Variants in ASCC3 observed in about 807,000 individuals in gnomAD.
ASCC3 encodes the protein activating signal cointegrator 1 complex subunit 3.
ASCC3 carries 158 observed loss-of-function variants against 256.3 expected under a neutral mutation model. That is an observed-to-expected ratio of 0.62 (90% CI 0.54 to 0.70). The LOEUF (loss-of-function observed/expected upper bound fraction) is 0.70. ASCC3 is among the 30% of genes least tolerant of loss of function. ASCC3 has a pLI of 0.00. For synonymous variants in ASCC3, 948 were observed against 883.4 expected (o/e 1.07, Z -1.30); for missense variants, 2,259 against 2,626.0 (o/e 0.86, Z 3.05).
chr6:100,701,090 G>T (rs566603161), intron 13 of ASCC3, among the ~76,000 whole-genome samples: 2 of 152,270 alleles, frequency 1.3e-5, no homozygotes, highest in South Asian at 4.1e-4. Flanking sequence ...TTCATGGGAG[G>T]AACCCGGTTG....
At chr6:100,821,405 A>G (rs1771034925) in intron 4 of ASCC3, among the ~76,000 whole-genome samples, 1 of 125,262 alleles carries the variant, frequency 8.0e-6, no homozygotes, top group Admixed American at 8.5e-5. Context: ...CCAATCAAAA[A>G]CATGTGCACA....
chr6:100,722,499 A>G (rs956376513), intron 11 of ASCC3, among the ~76,000 whole-genome samples: 8 of 151,746 alleles, frequency 5.3e-5, no homozygotes, highest in African/African-American at 1.9e-4. Flanking sequence ...CTTGTTGCAT[A>G]TCTTTTCATG....
Position 100,867,892 on chromosome 6 carries a change from C to A in ASCC3, c.90+16G>T. On this transcript the variant is annotated intron_variant, in intron 2 of 41. Coordinates refer to ENST00000369162, the MANE Select transcript of ASCC3 (RefSeq NM_006828.4). ...TTTATAATAATGTTCAACATTTCTA[C>A]CTTTAACAAATCTACCTTTAAGTCA... 1 of 1,578,906 alleles carries A rather than the reference C, an allele frequency of 6.3e-7. No homozygotes were observed. The highest frequency in any genetic ancestry group is 8.7e-7 in the Non-Finnish European group (1 of 1,148,556).
At chr6:100,620,326 C>T (rs1283512080) in intron 30 of ASCC3, among the ~76,000 whole-genome samples, 2 of 152,130 alleles carry the variant, frequency 1.3e-5, no homozygotes, top group East Asian at 3.9e-4. Context: ...ATAAGGATTC[C>T]TAATGACAAT....
At position 100,516,248 on chromosome 6, in the gene ASCC3, A is replaced by G. The variant is rs1213221226; in HGVS notation, c.6007T>C (p.Cys2003Arg). 5 of 1,613,754 alleles carry G rather than the reference A, an allele frequency of 3.1e-6. No homozygotes were observed. Among genetic ancestry groups the G allele is most frequent in the Non-Finnish European group, 3.4e-6 (4 of 1,179,756 alleles). ...IESLPELIHA[C>R]GGKDHVFSSM... ...CTAAATACATGGTCTTTCCCTCCACAGGCATGGATCAGTTCAGGAAGGGAC... is the reference window on the plus strand; with the variant it reads ...CTAAATACATGGTCTTTCCCTCCACGGGCATGGATCAGTTCAGGAAGGGAC... Residue 2003 changes from cysteine (C) to arginine (R), a missense_variant, in exon 39 of 42, where the codon TGT becomes CGT. Physicochemically the swap from Cys to Arg is radical, Grantham distance 180. Around this residue, in one of 2 missense-constraint regions of ASCC3, gnomAD observed 1,839 missense variants for 2,206.7 expected, o/e 0.83. Coordinates refer to ENST00000369162, the MANE Select transcript of ASCC3 (RefSeq NM_006828.4).
At chr6:100,680,771 T>A (rs746809591) in intron 13 of ASCC3, among the ~76,000 whole-genome samples, 2 of 152,002 alleles carry the variant, frequency 1.3e-5, no homozygotes, top group Non-Finnish European at 2.9e-5. Flanking sequence ...GCAACTTGGA[T>A]GTCCTAATCC....
intron 4 of ASCC3, among the ~76,000 whole-genome samples, chr6:100,836,146 AAG>A (rs1771863808): frequency 6.6e-6 from 1 of 152,050 alleles, no homozygotes; most frequent in Admixed American, 6.6e-5. Context: ...ACAGTTTTTT[AAG>A]AGTCTTTAGG....
intron 36 of ASCC3, among the ~76,000 whole-genome samples, chr6:100,588,964 A>C (rs1030527904): frequency 6.6e-6 from 1 of 152,166 alleles, no homozygotes; most frequent in Admixed American, 6.5e-5. Flanking sequence ...TATCCTAACT[A>C]ATGTGTTAAC....
intron 19 of ASCC3, 80 bp from the exon 20 acceptor site, chr6:100,650,794 GT>G (rs1775629797): frequency 2.7e-6 from 3 of 1,121,926 alleles, no homozygotes; most frequent in South Asian, 2.6e-5. Flanking sequence ...TACATTGCAT[GT>G]TTTTAAAGAG....
At chr6:100,659,814 C>T (rs1393084777) in intron 16 of ASCC3, among the ~76,000 whole-genome samples, 3 of 151,418 alleles carry the variant, frequency 2.0e-5, no homozygotes, top group Non-Finnish European at 4.4e-5. Flanking sequence ...TGCATTCATG[C>T]GTTTTAAGAT....
At chr6:100,532,396 ATATATATATATTTTT>A (rs1319765955) in intron 37 of ASCC3, among the ~76,000 whole-genome samples, 23 of 42,752 alleles carry the variant, frequency 5.4e-4, no homozygotes, top group African/African-American at 1.8e-3. Context: ...ATATATATAT[ATATATATATATTTTT>A]TTTTTTTTTT....
At chr6:100,863,986 T>C (rs750923077) in intron 3 of ASCC3, 78 bp downstream of exon 3, 3 of 1,235,534 alleles carry the variant, frequency 2.4e-6, no homozygotes, top group African/African-American at 1.5e-5. Flanking sequence ...CTTTACATAG[T>C]ATGTTGTTTA....
At chr6:100,625,163 A>G (rs778174245) in intron 30 of ASCC3, 29 bp downstream of exon 30, 7 of 1,610,370 alleles carry the variant, frequency 4.3e-6, no homozygotes, top group East Asian at 2.2e-5. Context: ...GAAACGTGTA[A>G]GTAGTAGAAG....
At chr6:100,861,966 A>G (rs1304716156) in intron 3 of ASCC3, among the ~76,000 whole-genome samples, 1 of 152,128 alleles carries the variant, frequency 6.6e-6, no homozygotes, top group Non-Finnish European at 1.5e-5. Context: ...AATAAGCTCA[A>G]TATGTCATTA....
At chr6:100,555,208 T>C (rs1170617266) in intron 36 of ASCC3, among the ~76,000 whole-genome samples, 1 of 152,120 alleles carries the variant, frequency 6.6e-6, no homozygotes, top group Non-Finnish European at 1.5e-5. Context: ...TTTTCTAATA[T>C]GCACATAGTT....
rs771165999 is a variant in ASCC3 at position 100,767,320 on chromosome 6, A to G, written c.1421T>C (p.Met474Thr). The G allele has an allele frequency of 6.3e-7, 1 of 1,599,332 alleles. No individual in the cohort carries two copies. Among genetic ancestry groups the G allele is most frequent in the Non-Finnish European group, 8.5e-7 (1 of 1,176,156 alleles). ...TGACTGGATTCTATTGAGTCTCTTC[A>G]TTCCTTTAAAAGCCAGCTGTCCGAT... ...DEIGQLAFKGMKRLNRIQSIV... is the reference protein window; with the variant it reads ...DEIGQLAFKGTKRLNRIQSIV... The change falls in exon 9 of 42, where the codon ATG (methionine) becomes ACG (threonine). Residue 474 changes from methionine (M) to threonine (T), a missense_variant. Met to Thr is a moderately conservative substitution (Grantham distance 81). Transcript: ENST00000369162.
intron 4 of ASCC3, among the ~76,000 whole-genome samples, chr6:100,828,597 T>C (rs1771449518): frequency 6.6e-6 from 1 of 152,156 alleles, no homozygotes; most frequent in Admixed American, 6.5e-5. Flanking sequence ...GGTGGGTTTG[T>C]GGTCTCACTG....
At chr6:100,558,916 A>G (rs1456930848) in intron 36 of ASCC3, among the ~76,000 whole-genome samples, 1 of 152,074 alleles carries the variant, frequency 6.6e-6, no homozygotes, top group Non-Finnish European at 1.5e-5. Context: ...CAATCTTTGA[A>G]TTCTACTTAG....
rs914353235 is a variant in ASCC3, at chr6:100,881,190, G to C, written c.-171C>G. 2.0e-5 allele frequency: 3 copies of C among 152,376 alleles called. No individual in the cohort carries two copies. The highest frequency in any genetic ancestry group is 2.9e-5 in the Non-Finnish European group (2 of 68,138). The allele number at this position is 152,376 out of a possible 1,614,324, so 9.4% of individuals were successfully genotyped here. On this transcript the variant is annotated 5_prime_UTR_variant, in exon 1 of 42. Coordinates refer to ENST00000369162, the MANE Select transcript of ASCC3 (RefSeq NM_006828.4). ...AGCGCAGGGCCAAAGATGCGAGCGG[G>C]CAGCTGTATCGCCGCGCCCCGTCCG...
Sources: gnomAD v4.1 joint callset for allele counts (sites outside exome capture counted in the v4.1 genomes callset) on GRCh38, gnomAD v4.1.1 for gene constraint, gnomAD v4.1.1 regional missense constraint, MANE v1.5 for transcripts, NCBI Gene and HGNC (gene_info 2026-07-23, HGNC 2026-07-21) for gene names.